The following SKAP2 variants were observed in gnomAD, a reference collection of about 807,000 sequenced individuals.
SKAP2 encodes src kinase-associated phosphoprotein 2.
Under a neutral mutation model 54.9 loss-of-function variants are expected in SKAP2, and 28 were observed. That is an observed-to-expected ratio of 0.51 (90% CI 0.38 to 0.70). The LOEUF (loss-of-function observed/expected upper bound fraction) is 0.70. Ranked by LOEUF, SKAP2 falls within the 30% of genes least tolerant of loss-of-function variation. The pLI, the probability that SKAP2 is intolerant of heterozygous loss-of-function variation, is 0.00. For synonymous variants in SKAP2, 137 were observed against 134.3 expected, an observed-to-expected ratio of 1.02 and a Z score of -0.14; for missense variants, 356 against 424.1, an observed-to-expected ratio of 0.84 and a Z score of 1.41.
intron 3 of SKAP2, among the ~76,000 whole-genome samples, chr7:26,845,769 A>C (rs1377326976): frequency 1.3e-5 from 2 of 152,106 alleles, no homozygotes; most frequent in African/African-American, 4.8e-5. Flanking sequence ...ACATCTCTAA[A>C]TAAAAATAAA....
At chr7:26,728,877 C>T (rs550139606) in intron 6 of SKAP2, among the ~76,000 whole-genome samples, 12 of 152,176 alleles carry the variant, frequency 7.9e-5, no homozygotes, top group South Asian at 2.1e-4. Flanking sequence ...AGGGTTCAAT[C>T]GCTCCACTCA....
chr7:26,743,212 G>C (rs1301865110), intron 4 of SKAP2, among the ~76,000 whole-genome samples: 1 of 152,078 alleles, frequency 6.6e-6, no homozygotes, highest in African/African-American at 2.4e-5. Context: ...CTAAAAAAAA[G>C]TTTTGCACTG....
intron 4 of SKAP2, among the ~76,000 whole-genome samples, chr7:26,817,979 G>A (rs550527805): frequency 6.6e-6 from 1 of 152,224 alleles, no homozygotes; most frequent in East Asian, 1.9e-4. Flanking sequence ...TCATGGATAG[G>A]AAGAATCAAT....
chr7:26,736,693 G>C (rs1158766674), intron 6 of SKAP2, among the ~76,000 whole-genome samples: 2 of 152,124 alleles, frequency 1.3e-5, no homozygotes, highest in Non-Finnish European at 2.9e-5. Flanking sequence ...CTGGGGTCTG[G>C]ATCAAGACCC....
At chr7:26,810,529 T>A (rs371941420) in intron 4 of SKAP2, among the ~76,000 whole-genome samples, 9 of 152,196 alleles carry the variant, frequency 5.9e-5, no homozygotes, top group African/African-American at 1.4e-4. Flanking sequence ...CTACTTATAC[T>A]TGAAAATTGC....
At chr7:26,659,042 G>C in the SKAP2 span, among the ~76,000 whole-genome samples, 9 of 152,086 alleles carry the variant, frequency 5.9e-5, no homozygotes, top group African/African-American at 2.2e-4. Context: ...ACGTGTGTTG[G>C]TGGGGCGGGG....
intron 4 of SKAP2, among the ~76,000 whole-genome samples, chr7:26,747,471 T>C (rs2127964846): frequency 6.6e-6 from 1 of 152,206 alleles, no homozygotes; most frequent in African/African-American, 2.4e-5. Flanking sequence ...CCCTCCTCTG[T>C]AAAGTGGCCA....
At chr7:26,666,815 G>A (rs558055258), downstream of SKAP2, among the ~76,000 whole-genome samples, 1 of 152,222 alleles carries the variant, frequency 6.6e-6, no homozygotes, top group South Asian at 2.1e-4. Flanking sequence ...AAAATAGAAC[G>A]GAGTGAGCTG....
chr7:26,730,527 G>A (rs1287621916), intron 6 of SKAP2, among the ~76,000 whole-genome samples: 2 of 152,122 alleles, frequency 1.3e-5, no homozygotes, highest in Admixed American at 6.5e-5. Context: ...TCTTAACATA[G>A]TATCATTTTG....
intron 11 of SKAP2, among the ~76,000 whole-genome samples, chr7:26,673,841 G>C (rs1786293747): frequency 6.6e-6 from 1 of 151,932 alleles, no homozygotes; most frequent in Admixed American, 6.6e-5. Context: ...TGGGTAAGAA[G>C]GCAGGAAAAA....
intron 4 of SKAP2, among the ~76,000 whole-genome samples, chr7:26,770,466 T>C (rs1783164909): frequency 6.6e-6 from 1 of 152,010 alleles, no homozygotes. Flanking sequence ...GAATGAACAG[T>C]TCTGTTTCGC....
chr7:26,741,389 C>CGT (rs72342502), intron 4 of SKAP2, among the ~76,000 whole-genome samples: 1 of 126,680 alleles, frequency 7.9e-6, no homozygotes, highest in Non-Finnish European at 1.9e-5. Flanking sequence ...TAGTGGTATA[C>CGT]GCGCCTGCAG....
chr7:26,696,460 T>C (rs1786897321), intron 9 of SKAP2, among the ~76,000 whole-genome samples: 1 of 152,178 alleles, frequency 6.6e-6, no homozygotes. Context: ...GTCTATCCCA[T>C]AGCACTTTGA....
intron 9 of SKAP2, among the ~76,000 whole-genome samples, chr7:26,707,060 T>C (rs113023877): frequency 0.013 from 1,909 of 152,320 alleles, 37 homozygotes; most frequent in African/African-American, 0.044. Flanking sequence ...AAATTTCTTC[T>C]TGTCAAGAAG....
At chr7:26,665,609 G>C (rs145778335), downstream of SKAP2, among the ~76,000 whole-genome samples, 95 of 152,262 alleles carry the variant, frequency 6.2e-4, 2 homozygotes, top group East Asian at 0.018. Flanking sequence ...TGGTAGAACA[G>C]ATTCTACTAG....
chr7:26,735,351 A>G (rs1036358478), intron 6 of SKAP2, among the ~76,000 whole-genome samples: 2 of 152,212 alleles, frequency 1.3e-5, no homozygotes, highest in South Asian at 4.1e-4. Flanking sequence ...GAAAGGATGA[A>G]TAAGATTTCA....
At position 26,750,633 on chromosome 7, in the gene SKAP2, T is replaced by C. The variant is rs1198176457; in HGVS notation, c.308-10669A>G. 5.3e-5 allele frequency among the ~76,000 whole-genome samples: 8 copies of C among 152,204 alleles called. No individual in the cohort carries two copies. In the South Asian group the frequency reaches 1.7e-3, roughly 32 times the overall value. ...GCCAATATACCATACATTTAAATTG[T>C]GGGGTGTTGTTTCATCTGTAAGATT... On this transcript the variant is annotated intron_variant, in intron 4 of 12. Coordinates refer to ENST00000345317, the MANE Select transcript of SKAP2 (RefSeq NM_003930.5).
chr7:26,855,538 T>C (rs941363354), intron 1 of SKAP2, among the ~76,000 whole-genome samples: 2 of 152,130 alleles, frequency 1.3e-5, no homozygotes, highest in Admixed American at 6.5e-5. Flanking sequence ...GCCTTGGTAT[T>C]ACCACCTGAA....
intron 4 of SKAP2, among the ~76,000 whole-genome samples, chr7:26,816,695 T>C (rs1315466016): frequency 6.6e-6 from 1 of 152,066 alleles, no homozygotes; most frequent in Non-Finnish European, 1.5e-5. Flanking sequence ...CAACAATCAG[T>C]AACAGATCAA....
Sources: gnomAD v4.1 joint callset for allele counts (sites outside exome capture counted in the v4.1 genomes callset) on GRCh38, gnomAD v4.1.1 for gene constraint, MANE v1.5 for transcripts, NCBI Gene and HGNC (gene_info 2026-07-23, HGNC 2026-07-21) for gene names.